The following TMEM181 variants were observed in gnomAD, a reference collection of about 807,000 sequenced individuals.
TMEM181 encodes G protein-coupled receptor 178.
Under a neutral mutation model 71.9 loss-of-function variants are expected in TMEM181, and 39 were observed. The ratio of observed to expected loss-of-function variants is 0.54; its 90% confidence interval spans 0.42 to 0.71. TMEM181 has a LOEUF of 0.71. Among genes scored for constraint, TMEM181 ranks in the 30% least tolerant of loss-of-function variants. TMEM181 has a pLI of 0.00. For missense variants in TMEM181, 595 were observed against 583.0 expected, an observed-to-expected ratio of 1.02 and a Z score of -0.21; for synonymous variants, 245 against 228.8, an observed-to-expected ratio of 1.07 and a Z score of -0.64.
intron 10 of TMEM181, among the ~76,000 whole-genome samples, chr6:158,614,669 ATGTTCCCCACCCTG>A (rs1785514826): frequency 6.6e-6 from 1 of 151,928 alleles, no homozygotes. Flanking sequence ...CTGTTGTGTG[ATGTTCCCCACCCTG>A]TGTCCAAGTG....
In TMEM181 at chr6:158,631,944, T is replaced by C; in HGVS notation, c.*56T>C. On this transcript the variant is annotated 3_prime_UTR_variant, in exon 17 of 17. Coordinates refer to ENST00000684151, the MANE Select transcript of TMEM181 (RefSeq NM_001376852.1). The stretch of plus-strand genomic sequence containing the variant: ...GCCTGGATGCTTTCCCCGGTGACCG[T>C]CTGCTGACCTTCCCCTGTTATATTC... 1 of 1,418,896 alleles carries C rather than the reference T, an allele frequency of 7.0e-7. No homozygotes were observed. The highest frequency in any genetic ancestry group is 1.2e-5 in the South Asian group (1 of 81,422). 87.9% of individuals were successfully genotyped at this position (1,418,896 alleles called of 1,614,324 possible).
intron 6 of TMEM181, among the ~76,000 whole-genome samples, chr6:158,601,419 T>TG (rs1420585170): frequency 6.6e-6 from 1 of 152,046 alleles, no homozygotes; most frequent in East Asian, 1.9e-4. Flanking sequence ...TGGTGGCACA[T>TG]GCCTGTAATC....
chr6:158,543,855 A>G (rs1011557997), intron 1 of TMEM181, among the ~76,000 whole-genome samples: 4 of 152,182 alleles, frequency 2.6e-5, no homozygotes, highest in African/African-American at 9.7e-5. Flanking sequence ...CTTTCCTTGA[A>G]AAGAACAGCT....
intron 10 of TMEM181, among the ~76,000 whole-genome samples, chr6:158,618,898 C>T (rs750678384): frequency 2.0e-5 from 3 of 152,174 alleles, no homozygotes; most frequent in Non-Finnish European, 2.9e-5. Context: ...AGTAACCTGA[C>T]CTTTCTCTCT....
chr6:158,586,919 TGTGCGGGAGGG>T (rs1282034961), intron 5 of TMEM181, among the ~76,000 whole-genome samples: 11 of 152,180 alleles, frequency 7.2e-5, no homozygotes. Context: ...GTGAGGCCTG[TGTGCGGGAGGG>T]GTGCGATCAG....
upstream of TMEM181, chr6:158,560,075 G>C: frequency 1.0e-6 from 1 of 985,070 alleles, no homozygotes; most frequent in Non-Finnish European, 1.2e-6. Flanking sequence ...ACGTGATCTC[G>C]GCGTCGCGCT....
intron 13 of TMEM181, among the ~76,000 whole-genome samples, 175 bp downstream of exon 13, chr6:158,625,929 G>C (rs566479199): frequency 6.6e-6 from 1 of 152,336 alleles, no homozygotes; most frequent in South Asian, 2.1e-4. Flanking sequence ...TCAGCCTGGA[G>C]AGCATGTTTT....
At chr6:158,627,629 G>T (rs1339495479) in intron 13 of TMEM181, among the ~76,000 whole-genome samples, 1 of 152,238 alleles carries the variant, frequency 6.6e-6, no homozygotes, top group Admixed American at 6.5e-5. Flanking sequence ...GCCTGGGTGG[G>T]CGTCAGCATG....
At position 158,607,288 on chromosome 6, in the gene TMEM181, G is replaced by C. The variant is rs1332983218; in HGVS notation, c.618G>C (p.Trp206Cys). ...TCCGGAAATTTTCCATGAGAGACTG[G>C]GGCATCGAGCAGAAGTGGATGTCTG... ...HSLRKFSMRD[W>C]GIEQKWMSVL... Residue 206 changes from tryptophan (W) to cysteine (C), a missense_variant, in exon 8 of 17, where the codon TGG becomes TGC. Transcript: ENST00000684151. 1.2e-6 allele frequency: 2 copies of C among 1,614,178 alleles called. No individual in the cohort carries two copies. The highest frequency in any genetic ancestry group is 1.7e-6 in the Non-Finnish European group (2 of 1,180,032).
intron 1 of TMEM181, among the ~76,000 whole-genome samples, chr6:158,565,884 G>A (rs1320152164): frequency 2.0e-5 from 3 of 152,220 alleles, no homozygotes; most frequent in African/African-American, 4.8e-5. Flanking sequence ...GTCAGTGGCC[G>A]CAGGATGGGC....
intron 10 of TMEM181, chr6:158,610,598 CT>C: frequency 2.5e-6 from 1 of 393,342 alleles, no homozygotes; most frequent in Non-Finnish European, 4.3e-6. Context: ...GAATGTTCTT[CT>C]TTGCTTCACC....
At chr6:158,610,855 C>T (rs527644980) in intron 10 of TMEM181, 36 of 340,926 alleles carry the variant, frequency 1.1e-4, no homozygotes, top group African/African-American at 6.7e-4. Flanking sequence ...CCAAGGACTA[C>T]TGTAAAAATG....
rs1785156757 is a variant in TMEM181 at position 158,609,366 on chromosome 6, CA to C, written c.896+621del. Among the ~76,000 whole-genome samples, 3 of 152,090 alleles carry C rather than the reference CA, an allele frequency of 2.0e-5. No individual in the cohort carries two copies. In the East Asian group the frequency reaches 5.8e-4, roughly 29 times the overall value. On this transcript the variant is annotated intron_variant, in intron 10 of 16. Coordinates refer to ENST00000684151, the MANE Select transcript of TMEM181 (RefSeq NM_001376852.1). ...AGGGTGACTTTAGTCACAGGCTGCT[CA>C]AAAACACAGGCTGCAGAGAACAGGA...
At chr6:158,612,160 C>T (rs55910707) in intron 10 of TMEM181, among the ~76,000 whole-genome samples, 5,681 of 152,198 alleles carry the variant, frequency 0.037, 233 homozygotes, top group East Asian at 0.096. Context: ...CTGTGCCCAG[C>T]TGTCTTATCT....
chr6:158,579,469 C>T (rs1165560854), intron 2 of TMEM181, among the ~76,000 whole-genome samples: 2 of 151,956 alleles, frequency 1.3e-5, no homozygotes, highest in Non-Finnish European at 2.9e-5. Flanking sequence ...CGCCTGTAAT[C>T]CCAGCACTTT....
In TMEM181 at chr6:158,539,288, T is replaced by A. The variant is rs76301130; in HGVS notation, c.131+2423T>A. On this transcript the variant is annotated intron_variant, in intron 1 of 16. Transcript: ENST00000367090. The stretch of plus-strand genomic sequence containing the variant: ...CAAAGTCTGTTTTATAGTGAGAAGA[T>A]GTTTTAGATCACTGAACTATCTTGA... Among the ~76,000 whole-genome samples, 1,065 of 152,350 alleles carry A rather than the reference T, an allele frequency of 7.0e-3. 9 individuals are homozygous for A. The highest frequency in any genetic ancestry group is 0.024 in the African/African-American group (995 of 41,584).
chr6:158,597,625 T>C (rs2128310068), intron 6 of TMEM181, among the ~76,000 whole-genome samples: 1 of 152,286 alleles, frequency 6.6e-6, no homozygotes, highest in African/African-American at 2.4e-5. Context: ...CTCAGTCTCC[T>C]GAGTAGCTGG....
chr6:158,617,841 GAC>G (rs1418137696), intron 10 of TMEM181, among the ~76,000 whole-genome samples: 15 of 152,254 alleles, frequency 9.9e-5, no homozygotes, highest in African/African-American at 4.8e-5. Flanking sequence ...TGGTCTGAGA[GAC>G]AGTTTGTTAT....
At chr6:158,593,320 T>C (rs965933537) in intron 6 of TMEM181, among the ~76,000 whole-genome samples, 5 of 152,214 alleles carry the variant, frequency 3.3e-5, no homozygotes, top group African/African-American at 1.2e-4. Context: ...AGTGTTTCTA[T>C]TATAGAAAAC....
Sources: gnomAD v4.1 joint callset for allele counts (sites outside exome capture counted in the v4.1 genomes callset) on GRCh38, gnomAD v4.1.1 for gene constraint, MANE v1.5 for transcripts, NCBI Gene and HGNC (gene_info 2026-07-23, HGNC 2026-07-21) for gene names.